ZFP36L1: variants seen among roughly 807,000 people sequenced by gnomAD.
ZFP36L1 encodes the protein mRNA decay activator protein ZFP36L1.
Under a neutral mutation model 16.7 loss-of-function variants are expected in ZFP36L1, and 4 were observed. The observed-to-expected ratio is 0.24, with a 90% CI of 0.12 to 0.55. The LOEUF (loss-of-function observed/expected upper bound fraction) is 0.55, where lower values mean the gene tolerates loss of function less well. Among genes scored for constraint, ZFP36L1 ranks in the 20% least tolerant of loss-of-function variants. The pLI is 0.94. For synonymous variants in ZFP36L1, 220 were observed against 190.8 expected (o/e 1.15, Z -1.26); for missense variants, 311 against 449.2 (o/e 0.69, Z 2.78).
At chr14:68,793,694 G>A, upstream of ZFP36L1, 1 of 985,526 alleles carries the variant, frequency 1.0e-6, no homozygotes, top group Non-Finnish European at 1.2e-6. Context: ...TCGGCAAACC[G>A]GGCAGGCCGA....
Position 68,790,480 on chromosome 14 carries a change from G to C in ZFP36L1, c.70C>G (p.Leu24Val), listed in dbSNP as rs747584093. The C allele has an allele frequency of 5.0e-6, 8 of 1,613,946 alleles. No homozygotes were observed. The highest frequency in any genetic ancestry group is 1.1e-5 in the South Asian group (1 of 91,070). Residue 24 changes from leucine (L) to valine (V), a missense_variant, in exon 2 of 2, where the codon CTC (leucine) becomes GTC (valine). Leu to Val is a conservative substitution (Grantham distance 32). Around this residue, in one of 4 missense-constraint regions of ZFP36L1, gnomAD observed 137 missense variants for 142.6 expected, o/e 0.96. Transcript: ENST00000439696. ...CCTGCACTGGGAGCACTATAGTTGA[G>C]CATCTTGTTACCCTGGAGAGAGAAG... ...SEVLCKGNKM[L>V]NYSAPSAGGC...
At position 68,789,828 on chromosome 14, in the gene ZFP36L1, G is replaced by A; in HGVS notation, c.722C>T (p.Pro241Leu). The A allele has an allele frequency of 6.2e-7, 1 of 1,612,104 alleles. No individual in the cohort carries two copies. The highest frequency in any genetic ancestry group is 8.5e-7 in the Non-Finnish European group (1 of 1,180,014). The change falls in exon 2 of 2, where the codon CCT becomes CTT. Residue 241 changes from proline to leucine, a missense_variant. By Grantham distance (98) the Pro-to-Leu change is moderately conservative. This residue lies in a region of ZFP36L1 where 147 missense variants were observed against 192.0 expected (regional missense o/e 0.77). Transcript: ENST00000439696. This position sits in a 1 kb window ranked among gnomAD's most constrained non-coding sequence, Gnocchi z 4.5. ...GTTATTGGTGCCATCGGGCAGGGTA[G>A]GTGAGCCCAGGAGGTCATCGGCGCT... is the stretch of plus-strand genomic sequence containing the variant. The part of the protein sequence containing the change: ...ILSADDLLGS[P>L]TLPDGTNNPF...
At position 68,792,191 on chromosome 14, in the gene ZFP36L1, C is replaced by G. The variant is rs550724382; in HGVS notation, c.57+691G>C. Among the ~76,000 whole-genome samples, 313 of 151,942 alleles carry G rather than the reference C, an allele frequency of 2.1e-3. 1 individual carries two copies. The highest frequency in any genetic ancestry group is 4.1e-3 in the Admixed American group (62 of 15,274). On this transcript the variant is annotated intron_variant, in intron 1 of 1. Coordinates refer to ENST00000439696, the MANE Select transcript of ZFP36L1 (RefSeq NM_004926.4). Reference sequence around the variant, plus strand: ...CAGCATTTTGTCGCCACCTCCCCCCCCAACCCCGCCCGCAATCGATGAGCC... The same window carrying G: ...CAGCATTTTGTCGCCACCTCCCCCCGCAACCCCGCCCGCAATCGATGAGCC...
In ZFP36L1 at chr14:68,789,435, A is replaced by G; in HGVS notation, c.*98T>C. On this transcript the variant is annotated 3_prime_UTR_variant, in exon 2 of 2. Transcript: ENST00000439696. This position sits in a 1 kb window ranked among gnomAD's most constrained non-coding sequence, Gnocchi z 4.5. Reference sequence around the variant, plus strand: ...GGGTTGAGCTTAACCTTGTTAATGTAGGGCCTGTGGGGAATGGGATGGGTA... The same window carrying G: ...GGGTTGAGCTTAACCTTGTTAATGTGGGGCCTGTGGGGAATGGGATGGGTA... 1 of 1,553,284 alleles carries G rather than the reference A, an allele frequency of 6.4e-7. No homozygotes were observed. Among genetic ancestry groups the G allele is most frequent in the East Asian group, 2.3e-5 (1 of 44,296 alleles).
chr14:68,792,982 C>A lies in ZFP36L1; in HGVS notation c.-44G>T, dbSNP rs745759426. ...CCAGGGGCGAGGATCTGGTGTGTCG[C>A]GAAGGTCCCGGTGCGGGGAAGGCGC... On this transcript the variant is annotated 5_prime_UTR_variant, in exon 1 of 2. Transcript: ENST00000439696. 9 of 1,612,368 alleles carry A rather than the reference C, an allele frequency of 5.6e-6. No individual in the cohort carries two copies. The highest frequency in any genetic ancestry group is 7.6e-6 in the Non-Finnish European group (9 of 1,179,710).
intron 1 of ZFP36L1, among the ~76,000 whole-genome samples, chr14:68,792,208 C>G (rs1895096447): frequency 7.0e-6 from 1 of 142,434 alleles, no homozygotes; most frequent in Non-Finnish European, 1.5e-5. Context: ...CGCCCGCAAT[C>G]GATGAGCCGC....
At chr14:68,791,361 T>C (rs545325140) in intron 1 of ZFP36L1, 35 of 455,990 alleles carry the variant, frequency 7.7e-5, no homozygotes, top group South Asian at 2.3e-4. Flanking sequence ...TCCTAGTCAA[T>C]AGCGGATTGG....
In ZFP36L1 at chr14:68,787,843, A is replaced by G. The variant is rs1894954279; in HGVS notation, c.*1690T>C. 6.5e-6 allele frequency: 1 copy of G among 152,720 alleles called. No individual in the cohort carries two copies. The highest frequency in any genetic ancestry group is 2.4e-5 in the African/African-American group (1 of 41,436). 9.5% of individuals were successfully genotyped at this position (152,720 alleles called of 1,614,324 possible). ...GTGTGCCAGTTCTGTTTACATTAAC[A>G]TTGGAAAACTCCAGACCTGGAATCC... On this transcript the variant is annotated 3_prime_UTR_variant, in exon 2 of 2. Coordinates refer to ENST00000439696, the MANE Select transcript of ZFP36L1 (RefSeq NM_004926.4).
At chr14:68,796,130 G>C, upstream of ZFP36L1, 2 of 1,365,796 alleles carry the variant, frequency 1.5e-6, no homozygotes, top group Non-Finnish European at 2.0e-6. Flanking sequence ...TCCCAGGCCC[G>C]ACTTCCGGGC....
upstream of ZFP36L1, chr14:68,796,211 G>A: frequency 7.3e-7 from 1 of 1,366,794 alleles, no homozygotes; most frequent in Non-Finnish European, 9.8e-7. Flanking sequence ...TGGAGGTGGT[G>A]GTGGGGTGGG....
intron 1 of ZFP36L1, among the ~76,000 whole-genome samples, chr14:68,792,259 C>T: frequency 6.6e-6 from 1 of 151,930 alleles, no homozygotes; most frequent in South Asian, 2.1e-4. Flanking sequence ...ACCTGAATGC[C>T]TCTTTCACCC....
chr14:68,787,847 G>C lies in ZFP36L1; in HGVS notation c.*1686C>G, dbSNP rs1442492014. On this transcript the variant is annotated 3_prime_UTR_variant, in exon 2 of 2. Transcript: ENST00000439696. Reference sequence around the variant, plus strand: ...GCCAGTTCTGTTTACATTAACATTGGAAAACTCCAGACCTGGAATCCAGAA... The same window carrying C: ...GCCAGTTCTGTTTACATTAACATTGCAAAACTCCAGACCTGGAATCCAGAA... 1.3e-5 allele frequency: 2 copies of C among 152,530 alleles called. No homozygotes were observed. Among genetic ancestry groups the C allele is most frequent in the Non-Finnish European group, 2.9e-5 (2 of 68,020 alleles). The allele number at this position is 152,530 out of a possible 1,614,324, so 9.4% of individuals were successfully genotyped here.
Position 68,791,551 on chromosome 14 carries a change from AG to A in ZFP36L1, c.58-1060del, listed in dbSNP as rs892739786. Among the ~76,000 whole-genome samples the A allele has an allele frequency of 5.3e-5, 8 of 152,032 alleles. No homozygotes were observed. In the East Asian group the frequency reaches 1.4e-3, roughly 26 times the overall value. On this transcript the variant is annotated intron_variant, in intron 1 of 1. Coordinates refer to ENST00000439696, the MANE Select transcript of ZFP36L1 (RefSeq NM_004926.4). Reference sequence around the variant, plus strand: ...CTAATGTTGGTCCCTTAGGATCAGCAGGGGGGGACCGGGAATCTGTAACTGC... The same window carrying A: ...CTAATGTTGGTCCCTTAGGATCAGCAGGGGGGACCGGGAATCTGTAACTGC...
Position 68,790,145 on chromosome 14 carries a change from G to A in ZFP36L1, c.405C>T (p.Cys135=), listed in dbSNP as rs1379379263. The A allele has an allele frequency of 6.2e-7, 1 of 1,611,722 alleles. No individual in the cohort carries two copies. The highest frequency in any genetic ancestry group is 2.2e-5 in the East Asian group (1 of 44,836). ...GCTCGTGGATGCCGTGTGCGAACTG[G>A]CACTTGTCCCCGTACTTACAGGCAC... The part of the protein sequence containing the change: ...ENGACKYGDK[C]QFAHGIHELR... The change falls in exon 2 of 2, where the codon TGC becomes TGT. Residue 135 remains cysteine (C), a synonymous_variant. Coordinates refer to ENST00000439696, the MANE Select transcript of ZFP36L1 (RefSeq NM_004926.4).
rs754625531 is a variant in ZFP36L1 at position 68,791,050 on chromosome 14, GC to G, written c.58-559del. On this transcript the variant is annotated intron_variant, in intron 1 of 1. Transcript: ENST00000439696. ...TCCTTTGGCAACAGGTTTTCAGACT[GC>G]CTTTGCTTTTTCTTGTGGGGAGGAG... The G allele has an allele frequency of 1.9e-5, 13 of 702,138 alleles. No individual in the cohort carries two copies. The South Asian group carries it at 1.9e-4, about 10-fold the overall frequency. 43.5% of individuals were successfully genotyped at this position (702,138 alleles called of 1,614,324 possible). A position where few individuals can be genotyped will look rare whatever the true frequency, so the allele number is the denominator to read the frequency against.
chr14:68,793,447 T>A, upstream of ZFP36L1: 1 of 994,372 alleles, frequency 1.0e-6, no homozygotes, highest in Non-Finnish European at 1.2e-6. Context: ...TTTGTCAGCC[T>A]CAGAGCGCGG....
upstream of ZFP36L1, chr14:68,793,356 G>C (rs1249296281): frequency 9.9e-7 from 1 of 1,008,596 alleles, no homozygotes; most frequent in Admixed American, 5.3e-5. Flanking sequence ...GTTTCAAGTC[G>C]GCTGACTTCC....
intron 1 of ZFP36L1, 136 bp from the exon 2 acceptor site, chr14:68,790,628 C>T (rs888655749): frequency 1.3e-5 from 16 of 1,234,110 alleles, no homozygotes; most frequent in Non-Finnish European, 1.7e-5. Flanking sequence ...AGCAAGCTCC[C>T]TTCCCTCTCT....
At chr14:68,791,893 G>A (rs1376223077) in intron 1 of ZFP36L1, among the ~76,000 whole-genome samples, 1 of 152,320 alleles carries the variant, frequency 6.6e-6, no homozygotes, top group Non-Finnish European at 1.5e-5. Context: ...GGAGCAGCAA[G>A]CTGGGAAAAC....
Sources: gnomAD v4.1 joint callset for allele counts (sites outside exome capture counted in the v4.1 genomes callset) on GRCh38, gnomAD v4.1.1 for gene constraint, gnomAD v4.1.1 regional missense constraint, Gnocchi (gnomAD v3.1) non-coding constraint, MANE v1.5 for transcripts, NCBI Gene and HGNC (gene_info 2026-07-23, HGNC 2026-07-21) for gene names.